The following NEK10 variants were observed in gnomAD, a reference collection of about 807,000 sequenced individuals.
NEK10 encodes the protein NIMA related kinase 10.
In NEK10, 122 loss-of-function variants were observed where a neutral mutation model predicts 159.8. The observed-to-expected ratio is 0.76, with a 90% CI of 0.66 to 0.89. The LOEUF is 0.89. Ranked by LOEUF, NEK10 falls within the 40% of genes least tolerant of loss-of-function variation. NEK10 has a pLI of 0.00. For missense variants in NEK10, 1,342 were observed against 1,323.1 expected (o/e 1.01, Z -0.22); for synonymous variants, 466 against 457.1 (o/e 1.02, Z -0.25).
intron 13 of NEK10, among the ~76,000 whole-genome samples, chr3:27,297,452 T>C (rs73147886): frequency 0.025 from 3,766 of 152,312 alleles, 159 homozygotes; most frequent in African/African-American, 0.086. Flanking sequence ...ATGTAATTCA[T>C]GTGCGTGTCT....
chr3:27,121,173 G>C (rs990604789), intron 32 of NEK10, among the ~76,000 whole-genome samples: 1 of 151,790 alleles, frequency 6.6e-6, no homozygotes, highest in Non-Finnish European at 1.5e-5. Flanking sequence ...CTAAAATCTA[G>C]AAAAACCCCA....
chr3:27,281,705 A>G (rs1420993902), intron 22 of NEK10, among the ~76,000 whole-genome samples: 1 of 152,142 alleles, frequency 6.6e-6, no homozygotes, highest in East Asian at 1.9e-4. Context: ...ACAAAGAAAA[A>G]GACACAGAAC....
At chr3:27,120,589 C>T (rs557827353) in intron 32 of NEK10, among the ~76,000 whole-genome samples, 7 of 152,062 alleles carry the variant, frequency 4.6e-5, no homozygotes, top group South Asian at 2.1e-4. Flanking sequence ...CTTGGCCTTC[C>T]GAAGTGCTGG....
At chr3:27,216,999 C>A (rs572338234) in intron 23 of NEK10, among the ~76,000 whole-genome samples, 2 of 151,962 alleles carry the variant, frequency 1.3e-5, no homozygotes, top group African/African-American at 2.4e-5. Context: ...AGAGAAAAAA[C>A]CAAAAACTTT....
chr3:27,286,073 C>A (rs1030496155), intron 20 of NEK10, among the ~76,000 whole-genome samples: 4 of 137,812 alleles, frequency 2.9e-5, no homozygotes, highest in Non-Finnish European at 4.6e-5. Flanking sequence ...TAAGCCATTT[C>A]CAATTCTTTT....
At chr3:27,235,775 G>T (rs1410380685) in intron 23 of NEK10, among the ~76,000 whole-genome samples, 3 of 151,984 alleles carry the variant, frequency 2.0e-5, no homozygotes, top group Non-Finnish European at 4.4e-5. Context: ...ATACCCAAAG[G>T]AATAGAAATT....
chr3:27,282,548 A>ATATATATATATATACATAACTGTGT (rs2042249469), intron 22 of NEK10, among the ~76,000 whole-genome samples: 10 of 100,546 alleles, frequency 9.9e-5, no homozygotes, highest in African/African-American at 2.4e-4. Context: ...TTATATATAT[A>ATATATATATATATACATAACTGTGT]TATATATATA....
intron 23 of NEK10, among the ~76,000 whole-genome samples, chr3:27,221,396 T>C (rs547578759): frequency 6.6e-6 from 1 of 152,158 alleles, no homozygotes; most frequent in Non-Finnish European, 1.5e-5. Flanking sequence ...TGAAAAACCA[T>C]AGTGAGATAC....
intron 2 of NEK10, 107 bp from the exon 3 acceptor site, chr3:27,352,632 G>T: frequency 1.1e-6 from 1 of 874,702 alleles, no homozygotes; most frequent in Non-Finnish European, 1.9e-6. Flanking sequence ...TTATCAACTG[G>T]AATGAATACA....
chr3:27,181,209 TCTA>T (rs1948066656), intron 26 of NEK10, among the ~76,000 whole-genome samples: 1 of 152,152 alleles, frequency 6.6e-6, no homozygotes, highest in African/African-American at 2.4e-5. Flanking sequence ...TAAAAACTTA[TCTA>T]CTAATAGCCT....
chr3:27,224,679 C>T (rs1178355584), intron 23 of NEK10, among the ~76,000 whole-genome samples: 3 of 152,046 alleles, frequency 2.0e-5, no homozygotes, highest in African/African-American at 7.2e-5. Context: ...TTTTTCCTTA[C>T]TCTCACTACC....
chr3:27,226,463 G>A (rs893504441), intron 23 of NEK10, among the ~76,000 whole-genome samples: 5 of 152,190 alleles, frequency 3.3e-5, no homozygotes, highest in African/African-American at 1.2e-4. Flanking sequence ...GTAGTCCATA[G>A]TGCACTAGCT....
At chr3:27,269,819 T>C (rs1405704689) in intron 22 of NEK10, among the ~76,000 whole-genome samples, 1 of 152,200 alleles carries the variant, frequency 6.6e-6, no homozygotes, top group East Asian at 1.9e-4. Context: ...ATCATTTTAA[T>C]ACATGAAACT....
intron 29 of NEK10, 51 bp from the exon 30 acceptor site, chr3:27,162,789 A>T (rs760659206): frequency 6.2e-7 from 1 of 1,612,446 alleles, no homozygotes; most frequent in African/African-American, 1.3e-5. Flanking sequence ...CTTGGATTTG[A>T]CAAACTAAGA....
chr3:27,311,024 G>T lies in NEK10; in HGVS notation c.569-8C>A, dbSNP rs763237952. The T allele has an allele frequency of 2.5e-6, 4 of 1,596,312 alleles. No individual in the cohort carries two copies. Among genetic ancestry groups the T allele is most frequent in the Non-Finnish European group, 2.6e-6 (3 of 1,164,474 alleles). On this transcript the variant is annotated splice_polypyrimidine_tract_variant and splice_region_variant and intron_variant, in intron 8 of 35. Coordinates refer to ENST00000691995, the MANE Select transcript of NEK10 (RefSeq NM_001394966.1). ...CAAGTTTTTGAAAAATATCTATAAA[G>T]GAAAGAAAGAGCGCAAAGAGGCATC...
chr3:27,275,681 T>A (rs1377944302), intron 22 of NEK10, among the ~76,000 whole-genome samples: 1 of 152,224 alleles, frequency 6.6e-6, no homozygotes, highest in Non-Finnish European at 1.5e-5. Flanking sequence ...TTTGTAAGTA[T>A]ATGAGTAATG....
chr3:27,119,237 C>T lies in NEK10; in HGVS notation c.3190+523G>A, dbSNP rs566063315. ...GAGAGGTTAAATAGTTGTCCATAGT[C>T]AGCTACTAAATGGTTTAGCCAAGAT... On this transcript the variant is annotated intron_variant, in intron 33 of 35. Coordinates refer to ENST00000691995, the MANE Select transcript of NEK10 (RefSeq NM_001394966.1). Among the ~76,000 whole-genome samples, 5 of 152,276 alleles carry T rather than the reference C, an allele frequency of 3.3e-5. No individual in the cohort carries two copies. The South Asian group carries it at 1.0e-3, about 32-fold the overall frequency.
intron 23 of NEK10, among the ~76,000 whole-genome samples, chr3:27,237,528 C>T (rs558014214): frequency 3.9e-5 from 6 of 152,226 alleles, no homozygotes; most frequent in Non-Finnish European, 5.9e-5. Context: ...TGGCTCCAGC[C>T]GGTCCCTCCG....
intron 3 of NEK10, among the ~76,000 whole-genome samples, chr3:27,348,798 C>G (rs962480177): frequency 1.1e-4 from 16 of 152,134 alleles, no homozygotes; most frequent in African/African-American, 3.6e-4. Flanking sequence ...AGGGCAGCAT[C>G]ACATCTATTA....
Sources: gnomAD v4.1 joint callset for allele counts (sites outside exome capture counted in the v4.1 genomes callset) on GRCh38, gnomAD v4.1.1 for gene constraint, MANE v1.5 for transcripts, NCBI Gene and HGNC (gene_info 2026-07-23, HGNC 2026-07-21) for gene names.